The following CNTNAP2 variants were observed in gnomAD, a reference collection of about 807,000 sequenced individuals.
The protein encoded by CNTNAP2 is contactin-associated protein-like 2.
A neutral mutation model predicts 155.2 loss-of-function variants in CNTNAP2; 98 were observed. The observed-to-expected ratio is 0.63, with a 90% CI of 0.54 to 0.75. The LOEUF (loss-of-function observed/expected upper bound fraction) is 0.75, where lower values mean the gene tolerates loss of function less well. Ranked by LOEUF, CNTNAP2 falls within the 30% of genes least tolerant of loss-of-function variation. The pLI is 0.00. For missense variants in CNTNAP2, 1,727 were observed against 1,688.1 expected (o/e 1.02, Z -0.40); for synonymous variants, 651 against 631.2 (o/e 1.03, Z -0.47).
chr7:146,392,261 CATT>C (rs1795555572), intron 1 of CNTNAP2, among the ~76,000 whole-genome samples: 1 of 151,348 alleles, frequency 6.6e-6, no homozygotes, highest in Non-Finnish European at 1.5e-5. Context: ...TGACTTATGA[CATT>C]AATAAATTTT....
intron 3 of CNTNAP2, among the ~76,000 whole-genome samples, chr7:146,949,037 C>G (rs983203961): frequency 6.6e-6 from 1 of 152,112 alleles, no homozygotes; most frequent in African/African-American, 2.4e-5. Flanking sequence ...TATGAAAATA[C>G]CTGCTATGAG....
In CNTNAP2 at chr7:147,596,417, T is replaced by A. The variant is rs148756906; in HGVS notation, c.1897+34160T>A. Among the ~76,000 whole-genome samples, 531 of 152,212 alleles carry A rather than the reference T, an allele frequency of 3.5e-3. 2 individuals carry two copies. Among genetic ancestry groups the A allele is most frequent in the African/African-American group, 0.012 (508 of 41,536 alleles). ...GATCTTCTACCCCTACCTACCCCAA[T>A]CCATTCTCCATGTAACAGACAGAGT... On this transcript the variant is annotated intron_variant, in intron 12 of 23. Transcript: ENST00000361727.
At chr7:148,097,914 C>T (rs892733970) in intron 15 of CNTNAP2, among the ~76,000 whole-genome samples, 1 of 152,084 alleles carries the variant, frequency 6.6e-6, no homozygotes, top group Non-Finnish European at 1.5e-5. Context: ...TCAGGATAAG[C>T]AAGCAGTACA....
chr7:147,548,890 G>A (rs751248814), intron 11 of CNTNAP2, among the ~76,000 whole-genome samples: 15 of 152,050 alleles, frequency 9.9e-5, no homozygotes, highest in Middle Eastern at 3.4e-3. Flanking sequence ...TGTTTTTGTC[G>A]CATTTGTCAA....
intron 15 of CNTNAP2, among the ~76,000 whole-genome samples, chr7:148,084,211 A>G (rs763405310): frequency 2.0e-5 from 3 of 152,194 alleles, no homozygotes; most frequent in Non-Finnish European, 2.9e-5. Context: ...CCAAGACATC[A>G]ATTTTTGTGC....
At chr7:146,207,638 T>TTGTG (rs1491410846) in intron 1 of CNTNAP2, among the ~76,000 whole-genome samples, 1 of 20,420 alleles carries the variant, frequency 4.9e-5, no homozygotes, top group African/African-American at 9.3e-5. Context: ...CAGGACTGTG[T>TTGTG]TTTTTTTTTT....
intron 21 of CNTNAP2, among the ~76,000 whole-genome samples, chr7:148,319,830 T>C (rs902894147): frequency 1.3e-4 from 20 of 151,764 alleles, no homozygotes; most frequent in African/African-American, 4.6e-4. Context: ...TTATAGTAAG[T>C]TGTATAGTTA....
chr7:146,844,356 T>A (rs1031869445), intron 3 of CNTNAP2, among the ~76,000 whole-genome samples: 2 of 152,144 alleles, frequency 1.3e-5, no homozygotes, highest in Non-Finnish European at 2.9e-5. Context: ...ATTCTTTATA[T>A]TTTACAATAT....
intron 1 of CNTNAP2, among the ~76,000 whole-genome samples, chr7:146,504,839 C>T (rs1051727113): frequency 1.3e-5 from 2 of 152,170 alleles, no homozygotes; most frequent in African/African-American, 4.8e-5. Context: ...CATAAACTCC[C>T]AGGGGGCACA....
intron 14 of CNTNAP2, among the ~76,000 whole-genome samples, chr7:147,925,427 T>C (rs1486053798): frequency 6.6e-6 from 1 of 152,072 alleles, no homozygotes; most frequent in Non-Finnish European, 1.5e-5. Flanking sequence ...TCATTTACAT[T>C]GGGTTTACAC....
chr7:146,362,837 C>T (rs1795102386), intron 1 of CNTNAP2, among the ~76,000 whole-genome samples: 1 of 138,056 alleles, frequency 7.2e-6, no homozygotes, highest in Admixed American at 7.8e-5. Flanking sequence ...GTGGCACGAT[C>T]TCGGCTCACT....
At chr7:148,174,476 T>C (rs920400527) in intron 18 of CNTNAP2, among the ~76,000 whole-genome samples, 2 of 152,234 alleles carry the variant, frequency 1.3e-5, no homozygotes, top group Non-Finnish European at 2.9e-5. Context: ...CAAAGAGCTT[T>C]GGCATTGGCC....
chr7:148,366,899 T>C (rs1318293389), intron 21 of CNTNAP2, among the ~76,000 whole-genome samples: 1 of 151,996 alleles, frequency 6.6e-6, no homozygotes, highest in Non-Finnish European at 1.5e-5. Flanking sequence ...CTCCATAGCA[T>C]GGCAAAACAA....
intron 1 of CNTNAP2, among the ~76,000 whole-genome samples, chr7:146,470,695 G>A (rs753523666): frequency 2.6e-4 from 39 of 151,850 alleles, no homozygotes; most frequent in African/African-American, 8.5e-4. Context: ...TCAGCCTCCC[G>A]AGTAGCTGGG....
intron 1 of CNTNAP2, among the ~76,000 whole-genome samples, chr7:146,209,899 G>T (rs1018463298): frequency 2.0e-5 from 3 of 152,008 alleles, no homozygotes; most frequent in African/African-American, 7.3e-5. Flanking sequence ...GTGAGTTGTC[G>T]AGGTGAAGAA....
intron 1 of CNTNAP2, among the ~76,000 whole-genome samples, chr7:146,167,146 T>C (rs898637740): frequency 2.6e-5 from 4 of 152,174 alleles, no homozygotes; most frequent in African/African-American, 9.7e-5. Flanking sequence ...AACAAGTACT[T>C]TTCCTCTTTC....
chr7:147,269,957 GA>G (rs1489230025), intron 8 of CNTNAP2, among the ~76,000 whole-genome samples: 3 of 152,108 alleles, frequency 2.0e-5, no homozygotes, highest in Non-Finnish European at 4.4e-5. Flanking sequence ...AGCTATTCAG[GA>G]GGCTGAGATG....
chr7:146,376,425 G>A (rs989808676), intron 1 of CNTNAP2, among the ~76,000 whole-genome samples: 6 of 151,420 alleles, frequency 4.0e-5, no homozygotes, highest in Non-Finnish European at 8.8e-5. Context: ...ATTTCTCATC[G>A]AAAGCAAACA....
At chr7:146,486,549 G>A (rs1427748252) in intron 1 of CNTNAP2, among the ~76,000 whole-genome samples, 3 of 152,164 alleles carry the variant, frequency 2.0e-5, no homozygotes, top group Non-Finnish European at 4.4e-5. Context: ...GGCTGCTACA[G>A]CATTAACTTC....
Sources: gnomAD v4.1 joint callset for allele counts (sites outside exome capture counted in the v4.1 genomes callset) on GRCh38, gnomAD v4.1.1 for gene constraint, MANE v1.5 for transcripts, NCBI Gene and HGNC (gene_info 2026-07-23, HGNC 2026-07-21) for gene names.